Variants in MYRIP observed in about 807,000 individuals in gnomAD.
MYRIP encodes the protein myosin VIIA and Rab interacting protein.
Under a neutral mutation model 98.0 loss-of-function variants are expected in MYRIP, and 49 were observed. The observed-to-expected ratio is 0.50, with a 90% confidence interval of 0.40 to 0.63. MYRIP has a LOEUF of 0.63. Ranked by LOEUF, MYRIP falls within the 30% of genes least tolerant of loss-of-function variation. The pLI is 0.00. For synonymous variants in MYRIP, 404 were observed against 409.5 expected (o/e 0.99, Z 0.16); for missense variants, 1,004 against 1,058.2 (o/e 0.95, Z 0.71).
At chr3:40,009,198 G>A (rs2125793802) in intron 2 of MYRIP, among the ~76,000 whole-genome samples, 1 of 152,022 alleles carries the variant, frequency 6.6e-6, no homozygotes, top group South Asian at 2.1e-4. Flanking sequence ...CCTCTCCTAG[G>A]CACGGTCACC....
chr3:40,024,572 T>G (rs867843810), intron 2 of MYRIP, among the ~76,000 whole-genome samples: 1,561 of 147,748 alleles, frequency 0.011, 27 homozygotes, highest in African/African-American at 0.034. Context: ...TTTTGTGGGT[T>G]TTTTTTTTTT....
intron 2 of MYRIP, among the ~76,000 whole-genome samples, chr3:39,972,801 T>A (rs1018464430): frequency 3.3e-5 from 5 of 149,982 alleles, no homozygotes; most frequent in African/African-American, 7.6e-5. Flanking sequence ...GGTCCTTCTT[T>A]CCATAGTGGC....
intron 2 of MYRIP, among the ~76,000 whole-genome samples, chr3:39,971,392 A>G (rs189947011): frequency 1.3e-5 from 2 of 152,212 alleles, no homozygotes; most frequent in East Asian, 1.9e-4. Context: ...TGGGGGTGGC[A>G]TATTATGACC....
Position 39,986,675 on chromosome 3 carries a change from A to G in MYRIP, c.111-57375A>G, listed in dbSNP as rs1305047926. Among the ~76,000 whole-genome samples, 5 of 152,088 alleles carry G rather than the reference A, an allele frequency of 3.3e-5. No homozygotes were observed. In the East Asian group the frequency reaches 7.7e-4, roughly 23 times the overall value. The stretch of plus-strand genomic sequence containing the variant: ...TGAGTGTTGATCCCTGATGGCTCGG[A>G]GCTGCTCTTATCTCTGGAGAACTTT... On this transcript the variant is annotated intron_variant, in intron 2 of 16. Transcript: ENST00000302541.
At chr3:40,254,310 G>A (rs1953498020) in intron 16 of MYRIP, among the ~76,000 whole-genome samples, 1 of 152,074 alleles carries the variant, frequency 6.6e-6, no homozygotes. Context: ...GAGGAGGGTA[G>A]GGAAAAATAG....
chr3:39,991,639 C>T (rs1221569277), intron 2 of MYRIP, among the ~76,000 whole-genome samples: 1 of 152,164 alleles, frequency 6.6e-6, no homozygotes, highest in Non-Finnish European at 1.5e-5. Context: ...ACAGGTGTTC[C>T]CTCTTCCTGC....
intron 2 of MYRIP, among the ~76,000 whole-genome samples, chr3:40,040,070 A>G (rs1441989563): frequency 6.6e-6 from 1 of 152,200 alleles, no homozygotes; most frequent in Non-Finnish European, 1.5e-5. Context: ...AATGCAGGAT[A>G]ACTACATCTC....
chr3:39,863,850 A>G (rs1185663293), intron 1 of MYRIP, among the ~76,000 whole-genome samples: 1 of 152,114 alleles, frequency 6.6e-6, no homozygotes, highest in Non-Finnish European at 1.5e-5. Flanking sequence ...CAACAACAAC[A>G]ACAAACTGTA....
rs975913921 is a variant in MYRIP, at chr3:40,013,914, T to C, written c.111-30136T>C. ...ATTTCTCACTTCTGTTCTCATCCTG[T>C]CTGGTTCATATTCTAAACACAGCTC... is the stretch of plus-strand genomic sequence containing the variant. On this transcript the variant is annotated intron_variant, in intron 2 of 16. Coordinates refer to ENST00000302541, the MANE Select transcript of MYRIP (RefSeq NM_015460.4). 9.9e-5 allele frequency among the ~76,000 whole-genome samples: 15 copies of C among 152,254 alleles called. No individual in the cohort carries two copies. The South Asian group carries it at 2.9e-3, about 29-fold the overall frequency.
intron 2 of MYRIP, among the ~76,000 whole-genome samples, chr3:39,918,008 G>C (rs936526040): frequency 6.6e-6 from 1 of 151,140 alleles, no homozygotes; most frequent in Non-Finnish European, 1.5e-5. Context: ...CTCACTGCAA[G>C]CTCAGCTTCC....
intron 4 of MYRIP, among the ~76,000 whole-genome samples, chr3:40,160,575 G>A (rs534829240): frequency 1.2e-4 from 19 of 152,290 alleles, no homozygotes; most frequent in South Asian, 8.3e-4. Flanking sequence ...GGGCAATGGC[G>A]GGCGCCCCTC....
chr3:40,244,474 G>T lies in MYRIP; in HGVS notation c.2129G>T (p.Gly710Val), dbSNP rs1216803614. The stretch of plus-strand genomic sequence containing the variant: ...TACCTGGCAGCAGGCACTGTGTATG[G>T]ACTGGAGACCCAGCTGACTGAGCTA... ...NVYLAAGTVY[G>V]LETQLTELED... The change falls in exon 13 of 17, where the codon GGA becomes GTA. Residue 710 changes from glycine to valine, a missense_variant. This residue lies in a region of MYRIP where 880 missense variants were observed against 907.7 expected (regional missense o/e 0.97). Transcript: ENST00000302541. 1.2e-6 allele frequency: 2 copies of T among 1,613,708 alleles called. No homozygotes were observed. Among genetic ancestry groups the T allele is most frequent in the African/African-American group, 1.3e-5 (1 of 74,890 alleles).
At chr3:39,938,363 A>G (rs1340953105) in intron 2 of MYRIP, among the ~76,000 whole-genome samples, 1 of 152,068 alleles carries the variant, frequency 6.6e-6, no homozygotes, top group African/African-American at 2.4e-5. Context: ...TATTCAATGT[A>G]TTGATCTATT....
At chr3:39,955,460 T>C (rs1175446728) in intron 2 of MYRIP, among the ~76,000 whole-genome samples, 1 of 152,082 alleles carries the variant, frequency 6.6e-6, no homozygotes, top group African/African-American at 2.4e-5. Flanking sequence ...TAAAATCCTT[T>C]ACAGACAAGC....
In MYRIP at chr3:40,229,073, G is replaced by A. The variant is rs116531813; in HGVS notation, c.1906-4786G>A. 5.3e-3 allele frequency among the ~76,000 whole-genome samples: 811 copies of A among 152,242 alleles called. 8 individuals carry two copies. The highest frequency in any genetic ancestry group is 0.018 in the African/African-American group (759 of 41,532). Reference sequence around the variant, plus strand: ...AATGATGACACTGGGAAAATCTCAGGAGAATTTACAAAGATTGCTAACGAG... The same window carrying A: ...AATGATGACACTGGGAAAATCTCAGAAGAATTTACAAAGATTGCTAACGAG... On this transcript the variant is annotated intron_variant, in intron 11 of 16. Coordinates refer to ENST00000302541, the MANE Select transcript of MYRIP (RefSeq NM_015460.4).
At chr3:40,237,783 C>A (rs1952863400) in intron 12 of MYRIP, among the ~76,000 whole-genome samples, 1 of 152,158 alleles carries the variant, frequency 6.6e-6, no homozygotes, top group African/African-American at 2.4e-5. Context: ...CACTAGCAAA[C>A]AAATGTATTT....
chr3:39,891,649 T>C (rs994460127), intron 1 of MYRIP, among the ~76,000 whole-genome samples: 2 of 152,146 alleles, frequency 1.3e-5, no homozygotes, highest in African/African-American at 2.4e-5. Flanking sequence ...AAAAGTTGCA[T>C]CAGTTCATCT....
chr3:40,194,087 G>A (rs553109562), intron 10 of MYRIP, among the ~76,000 whole-genome samples: 2 of 151,644 alleles, frequency 1.3e-5, no homozygotes, highest in African/African-American at 4.8e-5. Context: ...AATTATTTTT[G>A]GTTACTATCA....
intron 10 of MYRIP, among the ~76,000 whole-genome samples, chr3:40,206,520 A>G (rs964388098): frequency 6.6e-6 from 1 of 152,156 alleles, no homozygotes; most frequent in Non-Finnish European, 1.5e-5. Flanking sequence ...TCCATTCTTT[A>G]AGATTTGCTC....
Sources: gnomAD v4.1 joint callset for allele counts (sites outside exome capture counted in the v4.1 genomes callset) on GRCh38, gnomAD v4.1.1 for gene constraint, gnomAD v4.1.1 regional missense constraint, MANE v1.5 for transcripts, NCBI Gene and HGNC (gene_info 2026-07-23, HGNC 2026-07-21) for gene names.